PLCL1: variants seen among roughly 807,000 people sequenced by gnomAD.
PLCL1 encodes phospholipase C like 1 (inactive).
In PLCL1, 41 loss-of-function variants were observed where a neutral mutation model predicts 84.4. The observed-to-expected ratio is 0.49, with a 90% CI of 0.38 to 0.63. The LOEUF (loss-of-function observed/expected upper bound fraction) is 0.63, where lower values mean the gene tolerates loss of function less well. Ranked by LOEUF, PLCL1 falls within the 30% of genes least tolerant of loss-of-function variation. The pLI is 0.00. For missense variants in PLCL1, 1,206 were observed against 1,367.8 expected, an observed-to-expected ratio of 0.88 and a Z score of 1.87; for synonymous variants, 490 against 488.3, an observed-to-expected ratio of 1.00 and a Z score of -0.05.
chr2:197,883,392 A>C (rs946889680), intron 1 of PLCL1, among the ~76,000 whole-genome samples: 1 of 152,206 alleles, frequency 6.6e-6, no homozygotes, highest in African/African-American at 2.4e-5. Flanking sequence ...TTTACTGTAC[A>C]AAGTATTTGT....
At chr2:197,835,788 T>C (rs886715958) in intron 1 of PLCL1, among the ~76,000 whole-genome samples, 4 of 152,250 alleles carry the variant, frequency 2.6e-5, no homozygotes, top group Non-Finnish European at 4.4e-5. Flanking sequence ...ATTAGAAATA[T>C]AGAATGTTCT....
intron 1 of PLCL1, among the ~76,000 whole-genome samples, chr2:197,819,275 T>C (rs1315677235): frequency 6.6e-6 from 1 of 152,076 alleles, no homozygotes; most frequent in African/African-American, 2.4e-5. Flanking sequence ...CCCTAGCCAC[T>C]AAATCCACCA....
At chr2:198,111,501 C>G (rs1693620763) in intron 5 of PLCL1, among the ~76,000 whole-genome samples, 1 of 151,848 alleles carries the variant, frequency 6.6e-6, no homozygotes, top group African/African-American at 2.4e-5. Context: ...ATAATGTGGA[C>G]TAAATGAGTA....
chr2:197,942,256 C>G (rs1353466481), intron 1 of PLCL1, among the ~76,000 whole-genome samples: 1 of 152,164 alleles, frequency 6.6e-6, no homozygotes. Context: ...CCATTTCCAT[C>G]TTTAGTTTTC....
At chr2:197,859,682 A>G (rs575921000) in intron 1 of PLCL1, among the ~76,000 whole-genome samples, 1 of 152,300 alleles carries the variant, frequency 6.6e-6, no homozygotes, top group Admixed American at 6.5e-5. Context: ...GATTAGATAC[A>G]CAAATACTTA....
chr2:198,014,674 G>A (rs569229288), intron 1 of PLCL1, among the ~76,000 whole-genome samples: 152 of 152,092 alleles, frequency 1.0e-3, no homozygotes, highest in Admixed American at 5.2e-3. Flanking sequence ...TGTAATGACT[G>A]CATAAACAAT....
intron 1 of PLCL1, among the ~76,000 whole-genome samples, chr2:198,024,275 A>G (rs1691209749): frequency 6.6e-6 from 1 of 152,154 alleles, no homozygotes; most frequent in African/African-American, 2.4e-5. Flanking sequence ...GAGGGATAGC[A>G]TTAGGAGAAA....
At chr2:197,820,377 A>G (rs913760642) in intron 1 of PLCL1, among the ~76,000 whole-genome samples, 3 of 152,108 alleles carry the variant, frequency 2.0e-5, no homozygotes, top group East Asian at 1.9e-4. Context: ...GTGCATTGTC[A>G]GTGTAATGGG....
At chr2:198,030,390 A>G (rs1451004085) in intron 1 of PLCL1, among the ~76,000 whole-genome samples, 1 of 152,036 alleles carries the variant, frequency 6.6e-6, no homozygotes, top group Non-Finnish European at 1.5e-5. Context: ...TCACACTGTC[A>G]CCCCAAAATT....
At chr2:197,813,107 C>CT (rs1351733821) in intron 1 of PLCL1, among the ~76,000 whole-genome samples, 1 of 152,160 alleles carries the variant, frequency 6.6e-6, no homozygotes. Context: ...TGTTTCCCCT[C>CT]TAAGCCTCCC....
intron 1 of PLCL1, among the ~76,000 whole-genome samples, chr2:197,881,939 T>C (rs1687838095): frequency 6.6e-6 from 1 of 152,016 alleles, no homozygotes; most frequent in Non-Finnish European, 1.5e-5. Context: ...TCTGTAAATA[T>C]TTTGTATTTA....
intron 5 of PLCL1, among the ~76,000 whole-genome samples, chr2:198,118,255 T>C (rs1006196854): frequency 6.6e-6 from 1 of 151,952 alleles, no homozygotes; most frequent in Admixed American, 6.6e-5. Flanking sequence ...ATCACAGTTT[T>C]ATCAACCATA....
At chr2:197,838,542 A>T (rs561798897) in intron 1 of PLCL1, among the ~76,000 whole-genome samples, 1 of 152,350 alleles carries the variant, frequency 6.6e-6, no homozygotes, top group Non-Finnish European at 1.5e-5. Flanking sequence ...AACATGCGGT[A>T]TGCTTTCAGT....
intron 1 of PLCL1, among the ~76,000 whole-genome samples, chr2:198,029,888 C>T (rs928041680): frequency 6.7e-5 from 7 of 104,306 alleles, no homozygotes; most frequent in South Asian, 2.6e-4. Flanking sequence ...TCAGTAGAGA[C>T]GGGGTTTCAC....
intron 1 of PLCL1, among the ~76,000 whole-genome samples, chr2:197,955,632 T>C (rs2105785413): frequency 6.6e-6 from 1 of 151,782 alleles, no homozygotes; most frequent in East Asian, 2.0e-4. Context: ...AGTGAGAACA[T>C]GCAGTGTTTG....
intron 1 of PLCL1, among the ~76,000 whole-genome samples, chr2:198,022,889 A>G (rs1211411741): frequency 6.6e-6 from 1 of 152,204 alleles, no homozygotes; most frequent in Non-Finnish European, 1.5e-5. Flanking sequence ...ACATAATTAG[A>G]AAAAACTACT....
At chr2:197,966,747 T>G (rs1184382420) in intron 1 of PLCL1, among the ~76,000 whole-genome samples, 1 of 152,118 alleles carries the variant, frequency 6.6e-6, no homozygotes, top group African/African-American at 2.4e-5. Context: ...GATGGTGCTT[T>G]TTTTTCTGTG....
intron 1 of PLCL1, among the ~76,000 whole-genome samples, chr2:197,888,455 G>T (rs1165972819): frequency 6.6e-6 from 1 of 152,176 alleles, no homozygotes; most frequent in Non-Finnish European, 1.5e-5. Flanking sequence ...GAGAGAGCAA[G>T]AAATTGAGAG....
At chr2:197,911,103 G>A (rs148329033) in intron 1 of PLCL1, among the ~76,000 whole-genome samples, 1 of 152,138 alleles carries the variant, frequency 6.6e-6, no homozygotes, top group Non-Finnish European at 1.5e-5. Context: ...TTAGTTTTGG[G>A]AGGCTGAGGC....
Sources: allele counts gnomAD v4.1 joint callset (sites outside exome capture counted in the v4.1 genomes callset), GRCh38; gene constraint gnomAD v4.1.1; transcripts MANE v1.5; gene names NCBI Gene and HGNC (gene_info 2026-07-23, HGNC 2026-07-21).